Variants in NRG2 observed in about 807,000 individuals in gnomAD.
The protein encoded by NRG2 is pro-neuregulin-2, membrane-bound isoform.
In NRG2, 27 loss-of-function variants were observed where a neutral mutation model predicts 73.9. The ratio of observed to expected loss-of-function variants is 0.37; its 90% confidence interval spans 0.27 to 0.50. The LOEUF (loss-of-function observed/expected upper bound fraction) is 0.50, where lower values mean the gene tolerates loss of function less well. Ranked by LOEUF, NRG2 falls within the 20% of genes least tolerant of loss-of-function variation. NRG2 has a pLI of 0.96. For missense variants in NRG2, 1,126 were observed against 1,210.1 expected (o/e 0.93, Z 1.03); for synonymous variants, 532 against 541.0 (o/e 0.98, Z 0.23).
At chr5:140,012,819 C>A (rs1439601824) in intron 1 of NRG2, among the ~76,000 whole-genome samples, 2 of 152,144 alleles carry the variant, frequency 1.3e-5, no homozygotes, top group East Asian at 3.8e-4. Flanking sequence ...TATAATAATT[C>A]TATTTCTTCA....
chr5:140,001,812 A>G (rs1241251033), intron 1 of NRG2, among the ~76,000 whole-genome samples: 2 of 152,098 alleles, frequency 1.3e-5, no homozygotes, highest in Non-Finnish European at 2.9e-5. Flanking sequence ...GCAATGAGCT[A>G]TGATCCCACC....
intron 5 of NRG2, chr5:139,859,860 G>T (rs887858985): frequency 1.2e-6 from 2 of 1,609,772 alleles, no homozygotes; most frequent in Non-Finnish European, 1.7e-6. Context: ...CACGCAGATG[G>T]TGCTGAGTGA....
intron 1 of NRG2, among the ~76,000 whole-genome samples, chr5:139,990,290 ATTTTAT>A (rs564873668): frequency 5.3e-5 from 8 of 150,512 alleles, no homozygotes; most frequent in Admixed American, 3.3e-4. Context: ...ATTTTATTTT[ATTTTAT>A]TTTATTTTAT....
chr5:139,882,246 T>C lies in NRG2; in HGVS notation c.873-1272A>G, dbSNP rs1240794809. 2.0e-5 allele frequency among the ~76,000 whole-genome samples: 3 copies of C among 152,110 alleles called. No homozygotes were observed. The East Asian group carries it at 5.8e-4, about 30-fold the overall frequency. ...AGGAGGCTGAGGAGAGGCAAGCAGA[T>C]AGGCTGGGCCAGGGTCAAGGAGACG... On this transcript the variant is annotated intron_variant, in intron 2 of 9. Coordinates refer to ENST00000361474, the MANE Select transcript of NRG2 (RefSeq NM_004883.3).
At chr5:139,888,115 A>AAC (rs148802670) in intron 1 of NRG2, among the ~76,000 whole-genome samples, 11,163 of 148,846 alleles carry the variant, frequency 0.075, 509 homozygotes, top group Non-Finnish European at 0.097. Context: ...AAAACAAAAC[A>AAC]ACACACACAC....
rs547108666 is a variant in NRG2 at position 139,887,178 on chromosome 5, A to G, written c.872+162T>C. ...CAGAGGGTCCCCGAGCTGCAGGAAG[A>G]AGGCTGGGAGTGGCAAGGAAGGGGA... On this transcript the variant is annotated intron_variant, in intron 2 of 9. Transcript: ENST00000361474. This position sits in a 1 kb window ranked among gnomAD's most constrained non-coding sequence, Gnocchi z 4.5. Among the ~76,000 whole-genome samples the G allele has an allele frequency of 7.9e-5, 12 of 152,296 alleles. No individual in the cohort carries two copies. The East Asian group carries it at 2.3e-3, about 29-fold the overall frequency.
chr5:139,863,697 C>G (rs983024689), intron 5 of NRG2, among the ~76,000 whole-genome samples: 4 of 152,342 alleles, frequency 2.6e-5, no homozygotes, highest in African/African-American at 7.2e-5. Context: ...CCCTCCTGCT[C>G]TACAGTCCTG....
intron 1 of NRG2, among the ~76,000 whole-genome samples, chr5:140,007,989 T>A (rs2126637847): frequency 6.6e-6 from 1 of 152,296 alleles, no homozygotes. Context: ...CCTTACAGCA[T>A]CTCAGTCACC....
chr5:139,859,852 C>G, intron 5 of NRG2: 1 of 1,609,410 alleles, frequency 6.2e-7, no homozygotes, highest in Non-Finnish European at 8.5e-7. Context: ...AGAGGGGCCA[C>G]GCAGATGGTG....
intron 1 of NRG2, among the ~76,000 whole-genome samples, chr5:139,973,827 G>A (rs1412852812): frequency 2.0e-5 from 3 of 152,066 alleles, no homozygotes; most frequent in African/African-American, 4.8e-5. Flanking sequence ...CTCACAACGC[G>A]GCCTCACATA....
rs1384762616 is a variant in NRG2 at position 139,848,513 on chromosome 5, G to A, written c.1957C>T (p.Pro653Ser). 4 of 1,386,548 alleles carry A rather than the reference G, an allele frequency of 2.9e-6. No homozygotes were observed. Among genetic ancestry groups the A allele is most frequent in the Non-Finnish European group, 3.7e-6 (4 of 1,082,682 alleles). 85.9% of individuals were successfully genotyped at this position (1,386,548 alleles called of 1,614,324 possible). The change falls in exon 10 of 10, where the codon CCC becomes TCC. Residue 653 changes from proline (P) to serine (S), a missense_variant. Coordinates refer to ENST00000361474, the MANE Select transcript of NRG2 (RefSeq NM_004883.3). ...EQQPLLRHPA[P>S]PGPGPGPGPG... is the part of the protein sequence containing the mutation. ...CCGGGTCCGGGTCCCGGGCCGGGGG[G>A]CGCCGGGTGCCGCAGTAACGGCTGC...
chr5:139,914,466 G>A (rs1217510071), intron 1 of NRG2, among the ~76,000 whole-genome samples: 4 of 152,160 alleles, frequency 2.6e-5, no homozygotes, highest in Non-Finnish European at 4.4e-5. Context: ...CCTTCCTCTC[G>A]CTGCTTTCCA....
chr5:139,981,848 C>T (rs192128574), intron 1 of NRG2, among the ~76,000 whole-genome samples: 59 of 152,338 alleles, frequency 3.9e-4, no homozygotes, highest in Admixed American at 1.0e-3. Flanking sequence ...AGAGCAAGCT[C>T]CCAGTATCTG....
At chr5:139,881,756 C>T (rs567748289) in intron 2 of NRG2, among the ~76,000 whole-genome samples, 11 of 152,326 alleles carry the variant, frequency 7.2e-5, no homozygotes, top group Admixed American at 1.3e-4. Flanking sequence ...TTCATGAGGA[C>T]GTGGGCTATC....
intron 1 of NRG2, among the ~76,000 whole-genome samples, chr5:140,001,140 C>T (rs1039664212): frequency 6.6e-6 from 1 of 152,182 alleles, no homozygotes; most frequent in Non-Finnish European, 1.5e-5. Flanking sequence ...CCTCTGATCT[C>T]CCATCGGTAT....
chr5:139,953,683 T>G (rs1754402652), intron 1 of NRG2, among the ~76,000 whole-genome samples: 1 of 152,152 alleles, frequency 6.6e-6, no homozygotes, highest in Non-Finnish European at 1.5e-5. Context: ...TAAGAAGGAT[T>G]TGACCAGATG....
intron 1 of NRG2, among the ~76,000 whole-genome samples, chr5:139,929,236 A>G (rs1439420049): frequency 1.3e-5 from 2 of 152,200 alleles, no homozygotes; most frequent in East Asian, 3.9e-4. Flanking sequence ...AACATACCTT[A>G]CTTCCCAACA....
intron 1 of NRG2, among the ~76,000 whole-genome samples, chr5:139,917,188 AC>A (rs1265693953): frequency 6.6e-6 from 1 of 152,114 alleles, no homozygotes; most frequent in Non-Finnish European, 1.5e-5. Context: ...CATACAATTC[AC>A]CCATTTAAAG....
At chr5:139,849,692 T>C (rs985869257) in intron 9 of NRG2, among the ~76,000 whole-genome samples, 3 of 152,152 alleles carry the variant, frequency 2.0e-5, no homozygotes, top group Non-Finnish European at 4.4e-5. Flanking sequence ...GTCCCCATTA[T>C]CATTTTTTCT....
Sources: allele counts gnomAD v4.1 joint callset (sites outside exome capture counted in the v4.1 genomes callset), GRCh38; gene constraint gnomAD v4.1.1; non-coding constraint Gnocchi (gnomAD v3.1); transcripts MANE v1.5; gene names NCBI Gene and HGNC (gene_info 2026-07-23, HGNC 2026-07-21).